The following NLGN4X variants were observed in gnomAD, a reference collection of about 807,000 sequenced individuals.
The protein encoded by NLGN4X is neuroligin 4 X-linked, also known as neuroligin-4, X-linked.
A neutral mutation model predicts 40.3 loss-of-function variants in NLGN4X; 3 were observed. That is an observed-to-expected ratio of 0.07 (90% confidence interval 0.03 to 0.19). The LOEUF (loss-of-function observed/expected upper bound fraction) is 0.19. NLGN4X is among the 10% of genes least tolerant of loss of function. NLGN4X has a pLI of 1.00. For synonymous variants in NLGN4X, 270 were observed against 306.8 expected (o/e 0.88, Z 1.25); for missense variants, 382 against 708.3 (o/e 0.54, Z 5.23).
chrX:5,955,598 T>C (rs774835208), intron 3 of NLGN4X, among the ~76,000 whole-genome samples: 4 of 110,654 alleles, frequency 3.6e-5, no homozygotes, highest in Non-Finnish European at 7.6e-5. Flanking sequence ...GGTTATGGAA[T>C]AGTAATGTAA....
chrX:6,106,216 T>C (rs2039029528), intron 2 of NLGN4X, among the ~76,000 whole-genome samples: 1 of 111,688 alleles, frequency 9.0e-6, no homozygotes, highest in Non-Finnish European at 1.9e-5. Flanking sequence ...GATATCACTG[T>C]AAAGTTTTGA....
intron 3 of NLGN4X, among the ~76,000 whole-genome samples, chrX:5,968,816 T>A (rs2034922108): frequency 9.1e-6 from 1 of 109,455 alleles, no homozygotes; most frequent in South Asian, 4.1e-4. Flanking sequence ...TGGATTGCTG[T>A]GTTCAATGTC....
At chrX:6,032,636 A>C in intron 2 of NLGN4X, 1 of 796,393 alleles carries the variant, frequency 1.3e-6, no homozygotes, top group Admixed American at 3.0e-5. Context: ...AAAAAGAGAG[A>C]TAGATAGATA....
intron 3 of NLGN4X, among the ~76,000 whole-genome samples, chrX:6,008,353 C>G (rs943016226): frequency 2.7e-5 from 3 of 111,834 alleles, no homozygotes; most frequent in Non-Finnish European, 3.8e-5. Flanking sequence ...AGAATGCGGT[C>G]TATCATACAA....
intron 2 of NLGN4X, among the ~76,000 whole-genome samples, chrX:6,111,782 A>C (rs986441426): frequency 9.0e-6 from 1 of 111,307 alleles, no homozygotes; most frequent in African/African-American, 3.3e-5. Flanking sequence ...ATTGTTTATA[A>C]ATTACCCAGT....
At chrX:6,042,638 T>C (rs2037187318) in intron 2 of NLGN4X, among the ~76,000 whole-genome samples, 1 of 91,534 alleles carries the variant, frequency 1.1e-5, no homozygotes, top group East Asian at 3.6e-4. Context: ...TGTCCTAAGA[T>C]GCTTGTTGAA....
chrX:6,028,461 C>A (rs2036766735), intron 3 of NLGN4X, among the ~76,000 whole-genome samples: 2 of 110,007 alleles, frequency 1.8e-5, no homozygotes, highest in African/African-American at 6.6e-5. Flanking sequence ...GAGTTCGAGA[C>A]CAGCCTGGTC....
intron 3 of NLGN4X, among the ~76,000 whole-genome samples, chrX:5,963,333 A>G: frequency 8.9e-6 from 1 of 111,782 alleles, no homozygotes; most frequent in Non-Finnish European, 1.9e-5. Context: ...GATCTTTGCT[A>G]CAAAGTGGCA....
At chrX:5,912,292 C>T (rs1172714574) in intron 3 of NLGN4X, among the ~76,000 whole-genome samples, 1 of 111,075 alleles carries the variant, frequency 9.0e-6, no homozygotes, top group Non-Finnish European at 1.9e-5. Context: ...CACATAGAGG[C>T]CGACTGGGTG....
intron 2 of NLGN4X, among the ~76,000 whole-genome samples, chrX:6,120,932 T>C (rs1358233838): frequency 3.6e-5 from 4 of 111,873 alleles, no homozygotes; most frequent in African/African-American, 1.3e-4. Context: ...CCTGCAGGCA[T>C]CTTCTATGCT....
chrX:5,976,611 C>T (rs1451786506), intron 3 of NLGN4X, among the ~76,000 whole-genome samples: 1 of 112,237 alleles, frequency 8.9e-6, no homozygotes, highest in Non-Finnish European at 1.9e-5. Context: ...AAAATAAATG[C>T]ACCGCTTTTA....
At chrX:5,951,561 G>A (rs2034312818) in intron 3 of NLGN4X, among the ~76,000 whole-genome samples, 1 of 109,942 alleles carries the variant, frequency 9.1e-6, no homozygotes, top group African/African-American at 3.3e-5. Flanking sequence ...ACAAAAGACT[G>A]CAGACCCCAC....
chrX:6,096,125 C>A (rs2038771060), intron 2 of NLGN4X, among the ~76,000 whole-genome samples: 1 of 111,953 alleles, frequency 8.9e-6, no homozygotes, highest in Non-Finnish European at 1.9e-5. Flanking sequence ...GTTTCAGAGC[C>A]AAATTCCACA....
intron 2 of NLGN4X, among the ~76,000 whole-genome samples, chrX:6,066,687 A>C (rs1602164291): frequency 8.9e-6 from 1 of 112,326 alleles, no homozygotes; most frequent in East Asian, 2.8e-4. Context: ...TGGGAGGCTG[A>C]GGCAGGAGAA....
At chrX:5,962,061 T>A (rs1224899280) in intron 3 of NLGN4X, among the ~76,000 whole-genome samples, 3 of 112,217 alleles carry the variant, frequency 2.7e-5, no homozygotes, top group African/African-American at 9.7e-5. Flanking sequence ...ACTGTAAATG[T>A]GAATCATAAA....
intron 2 of NLGN4X, among the ~76,000 whole-genome samples, chrX:6,118,338 A>C (rs1055231254): frequency 9.0e-6 from 1 of 111,232 alleles, no homozygotes; most frequent in African/African-American, 3.3e-5. Context: ...TAAGACATCT[A>C]TCTCTCCTTG....
chrX:6,213,974 G>A (rs1265133560), intron 1 of NLGN4X, among the ~76,000 whole-genome samples: 2 of 111,801 alleles, frequency 1.8e-5, no homozygotes, highest in Admixed American at 9.5e-5. Flanking sequence ...TATCCACTGC[G>A]GCATTCTCAA....
chrX:6,003,065 C>T (rs35515178), intron 3 of NLGN4X, among the ~76,000 whole-genome samples: 19,778 of 111,127 alleles, frequency 0.18, 1,328 homozygotes, highest in African/African-American at 0.19. Flanking sequence ...TGCTCCTGGA[C>T]GTCAGTCTGT....
intron 3 of NLGN4X, among the ~76,000 whole-genome samples, chrX:6,021,762 A>G (rs1276932410): frequency 6.5e-5 from 7 of 107,897 alleles, no homozygotes; most frequent in African/African-American, 2.4e-4. Context: ...TTTGTTTTGC[A>G]AAGTGTCTTG....
Sources: allele counts gnomAD v4.1 joint callset (sites outside exome capture counted in the v4.1 genomes callset), GRCh38; gene constraint gnomAD v4.1.1; transcripts MANE v1.5; gene names NCBI Gene and HGNC (gene_info 2026-07-23, HGNC 2026-07-21).